Variants in SPIRE1 observed in about 807,000 individuals in gnomAD.
SPIRE1 encodes the protein spire type actin nucleation factor 1, also known as protein spire homolog 1.
A neutral mutation model predicts 94.1 loss-of-function variants in SPIRE1; 40 were observed. The observed-to-expected ratio is 0.43, with a 90% CI of 0.33 to 0.55. SPIRE1 has a LOEUF of 0.55. Ranked by LOEUF, SPIRE1 falls within the 20% of genes least tolerant of loss-of-function variation. SPIRE1 has a pLI of 0.06. For missense variants in SPIRE1, 838 were observed against 975.2 expected (o/e 0.86, Z 1.87); for synonymous variants, 376 against 371.7 (o/e 1.01, Z -0.13).
At chr18:12,637,179 G>A (rs2144830635) in intron 1 of SPIRE1, among the ~76,000 whole-genome samples, 1 of 152,264 alleles carries the variant, frequency 6.6e-6, no homozygotes, top group Non-Finnish European at 1.5e-5. Flanking sequence ...CTAACATGGT[G>A]AAACCTCATC....
chr18:12,467,257 G>A (rs1475204349), intron 10 of SPIRE1, among the ~76,000 whole-genome samples: 3 of 151,864 alleles, frequency 2.0e-5, no homozygotes, highest in East Asian at 1.9e-4. Flanking sequence ...CAGCCTGGGC[G>A]ACAGAGCAAG....
At chr18:12,551,237 G>A (rs1270247097) in intron 2 of SPIRE1, among the ~76,000 whole-genome samples, 2 of 152,058 alleles carry the variant, frequency 1.3e-5, no homozygotes, top group Non-Finnish European at 2.9e-5. Flanking sequence ...ACAAAATGCT[G>A]TATGTCATAC....
intron 5 of SPIRE1, among the ~76,000 whole-genome samples, chr18:12,508,924 C>T (rs1450393454): frequency 5.3e-5 from 8 of 152,194 alleles, no homozygotes; most frequent in Non-Finnish European, 7.3e-5. Flanking sequence ...ATTCAGCCGC[C>T]TTGGCCTCCC....
At chr18:12,511,325 T>C (rs2033323) in intron 5 of SPIRE1, among the ~76,000 whole-genome samples, 18,536 of 152,228 alleles carry the variant, frequency 0.12, 1,416 homozygotes, top group East Asian at 0.32. Flanking sequence ...CTGTCTCCTG[T>C]TAAGATCAGC....
intron 2 of SPIRE1, among the ~76,000 whole-genome samples, chr18:12,561,268 A>ATTT (rs34495303): frequency 4.6e-4 from 62 of 134,896 alleles, no homozygotes; most frequent in African/African-American, 1.5e-3. Context: ...GAATAGATCA[A>ATTT]TTTTTTTTTT....
At chr18:12,506,925 G>A (rs888741256) in intron 5 of SPIRE1, among the ~76,000 whole-genome samples, 2 of 152,108 alleles carry the variant, frequency 1.3e-5, no homozygotes, top group Non-Finnish European at 2.9e-5. Flanking sequence ...TGTCTATGCC[G>A]TTATGTGACT....
chr18:12,582,893 C>T (rs963896871), intron 2 of SPIRE1, among the ~76,000 whole-genome samples: 3 of 152,174 alleles, frequency 2.0e-5, no homozygotes, highest in Non-Finnish European at 4.4e-5. Flanking sequence ...AGGAAATAGA[C>T]AGTCTGGACT....
chr18:12,458,983 A>C (rs16977216), intron 12 of SPIRE1, among the ~76,000 whole-genome samples: 1,696 of 152,326 alleles, frequency 0.011, 33 homozygotes, highest in African/African-American at 0.039. Flanking sequence ...TAGTAAATCC[A>C]AGGCTTTAGA....
chr18:12,600,138 C>G lies in SPIRE1; in HGVS notation c.372+34924G>C, dbSNP rs577747238. 2.7e-5 allele frequency among the ~76,000 whole-genome samples: 4 copies of G among 149,470 alleles called. No homozygotes were observed. The East Asian group carries it at 6.0e-4, about 22-fold the overall frequency. ...AAAAAAAATGAAGCCATCAGTTGTA[C>G]CATCACAAGGAGCTGAATGTGGCCA... On this transcript the variant is annotated intron_variant, in intron 2 of 16. Coordinates refer to ENST00000409402, the MANE Select transcript of SPIRE1 (RefSeq NM_001128626.2).
intron 1 of SPIRE1, 90 bp downstream of exon 1, chr18:12,657,440 G>A: frequency 9.4e-7 from 1 of 1,060,596 alleles, no homozygotes; most frequent in Admixed American, 4.4e-5. Flanking sequence ...GGGGGACGGC[G>A]GGGGCGGAAG....
intron 1 of SPIRE1, among the ~76,000 whole-genome samples, chr18:12,657,162 T>C (rs1384105532): frequency 6.6e-6 from 1 of 152,002 alleles, no homozygotes; most frequent in Non-Finnish European, 1.5e-5. Context: ...AGCCACGGCG[T>C]GAGGCGCACA....
intron 2 of SPIRE1, among the ~76,000 whole-genome samples, chr18:12,560,093 TG>T (rs771628092): frequency 6.6e-6 from 1 of 152,162 alleles, no homozygotes; most frequent in African/African-American, 2.4e-5. Flanking sequence ...TAACAAATGC[TG>T]GTGAGGATAT....
intron 2 of SPIRE1, among the ~76,000 whole-genome samples, chr18:12,628,977 T>G (rs2037706422): frequency 6.6e-6 from 1 of 152,222 alleles, no homozygotes; most frequent in African/African-American, 2.4e-5. Flanking sequence ...AACATGAGTC[T>G]TTTTAATAGT....
At chr18:12,574,761 A>T (rs1362105654) in intron 2 of SPIRE1, among the ~76,000 whole-genome samples, 6 of 152,240 alleles carry the variant, frequency 3.9e-5, no homozygotes, top group Non-Finnish European at 8.8e-5. Flanking sequence ...GGCTGGCCAG[A>T]GGATGAGAAA....
intron 2 of SPIRE1, among the ~76,000 whole-genome samples, chr18:12,577,685 T>A (rs1002987963): frequency 2.6e-5 from 4 of 152,210 alleles, no homozygotes; most frequent in African/African-American, 9.7e-5. Context: ...AAAACTTTTA[T>A]CACTTCTCGG....
chr18:12,604,659 T>C (rs374220844), intron 2 of SPIRE1, among the ~76,000 whole-genome samples: 44 of 152,284 alleles, frequency 2.9e-4, no homozygotes, highest in African/African-American at 9.6e-4. Flanking sequence ...TGCAAGACAC[T>C]GTTTGTGAGC....
At chr18:12,506,778 G>A (rs924301132) in intron 5 of SPIRE1, 137 bp from the exon 6 acceptor site, 23 of 873,780 alleles carry the variant, frequency 2.6e-5, no homozygotes, top group Non-Finnish European at 3.8e-5. Flanking sequence ...TTAAAAATTA[G>A]ATTTTGGGTA....
intron 10 of SPIRE1, among the ~76,000 whole-genome samples, chr18:12,472,668 C>CTT (rs201624013): frequency 6.7e-6 from 1 of 148,232 alleles, no homozygotes; most frequent in Non-Finnish European, 1.5e-5. Flanking sequence ...TGTGGTTGGT[C>CTT]TTTTTTTTGC....
At chr18:12,462,459 T>G (rs1300692148) in intron 12 of SPIRE1, among the ~76,000 whole-genome samples, 1 of 151,962 alleles carries the variant, frequency 6.6e-6, no homozygotes. Flanking sequence ...TACAAAAGAG[T>G]CTTTGGAGAC....
Sources: allele counts gnomAD v4.1 joint callset (sites outside exome capture counted in the v4.1 genomes callset), GRCh38; gene constraint gnomAD v4.1.1; transcripts MANE v1.5; gene names NCBI Gene and HGNC (gene_info 2026-07-23, HGNC 2026-07-21).